The following ALG9 variants were observed in gnomAD, a reference collection of about 807,000 sequenced individuals.
ALG9 encodes alpha-1,2-mannosyltransferase ALG9.
Under a neutral mutation model 81.8 loss-of-function variants are expected in ALG9, and 55 were observed. The observed-to-expected ratio is 0.67, with a 90% CI of 0.54 to 0.84. ALG9 has a LOEUF of 0.84. ALG9 is among the 40% of genes least tolerant of loss of function. ALG9 has a pLI of 0.00. For synonymous variants in ALG9, 278 were observed against 274.3 expected, an observed-to-expected ratio of 1.01 and a Z score of -0.13; for missense variants, 629 against 745.0, an observed-to-expected ratio of 0.84 and a Z score of 1.81.
intron 14 of ALG9, among the ~76,000 whole-genome samples, chr11:111,796,185 C>CT (rs1332801403): frequency 1.3e-5 from 2 of 152,164 alleles, no homozygotes; most frequent in East Asian, 1.9e-4. Flanking sequence ...CTTATACCAT[C>CT]TTTTTTCTAT....
intron 8 of ALG9, among the ~76,000 whole-genome samples, chr11:111,852,664 G>C (rs886608645): frequency 6.6e-6 from 1 of 152,186 alleles, no homozygotes; most frequent in South Asian, 2.1e-4. Context: ...GGCCGGGCAC[G>C]GTGGCTCATG....
intron 13 of ALG9, among the ~76,000 whole-genome samples, chr11:111,834,383 A>G (rs1364841564): frequency 6.6e-6 from 1 of 152,202 alleles, no homozygotes; most frequent in Non-Finnish European, 1.5e-5. Flanking sequence ...AATAAAAAGA[A>G]GGAAGGGGAG....
At chr11:111,824,564 G>A (rs1217949996) in intron 13 of ALG9, among the ~76,000 whole-genome samples, 2 of 152,170 alleles carry the variant, frequency 1.3e-5, no homozygotes, top group Admixed American at 6.6e-5. Context: ...TTATACCAAA[G>A]CGTAAGTAAA....
At chr11:111,829,586 C>T (rs552136973) in intron 13 of ALG9, among the ~76,000 whole-genome samples, 2 of 152,260 alleles carry the variant, frequency 1.3e-5, no homozygotes, top group Admixed American at 1.3e-4. Flanking sequence ...AATACCACTC[C>T]AGATGTAAAC....
In ALG9 at chr11:111,808,738, G is replaced by A. The variant is rs115756863; in HGVS notation, c.1733+905C>T. 4.4e-3 allele frequency among the ~76,000 whole-genome samples: 667 copies of A among 152,174 alleles called. 9 individuals are homozygous for A. The highest frequency in any genetic ancestry group is 0.015 in the African/African-American group (636 of 41,512). On this transcript the variant is annotated intron_variant, in intron 14 of 14. Transcript: ENST00000616540. ...TTCCTTCCAGACCTCCTGGCTCCTGGGCTCTGCTCACCAGGCCTCCCTGGA... is the reference window on the plus strand; with the variant it reads ...TTCCTTCCAGACCTCCTGGCTCCTGAGCTCTGCTCACCAGGCCTCCCTGGA...
intron 14 of ALG9, among the ~76,000 whole-genome samples, chr11:111,796,406 A>G (rs781970443): frequency 3.9e-5 from 6 of 152,188 alleles, no homozygotes; most frequent in Non-Finnish European, 7.3e-5. Context: ...TGCTCTTCAA[A>G]CCTGAGAGCT....
At chr11:111,800,916 C>A (rs1218535033) in intron 14 of ALG9, among the ~76,000 whole-genome samples, 1 of 152,110 alleles carries the variant, frequency 6.6e-6, no homozygotes, top group African/African-American at 2.4e-5. Context: ...ATAAAAAAAG[C>A]AGGGTTAGAT....
At chr11:111,870,810 C>A (rs996568189) in intron 1 of ALG9, 10 of 1,007,212 alleles carry the variant, frequency 9.9e-6, no homozygotes, top group Non-Finnish European at 1.2e-5. Context: ...CCTTTTCTTT[C>A]TTTTCTTAAC....
the ALG9 span, among the ~76,000 whole-genome samples, chr11:111,770,197 A>C: frequency 2.0e-5 from 3 of 152,226 alleles, no homozygotes; most frequent in Admixed American, 6.5e-5. Context: ...TGCCTGTTAA[A>C]AATGCAGATT....
chr11:111,836,543 G>A (rs1252996725), intron 12 of ALG9: 1 of 441,286 alleles, frequency 2.3e-6, no homozygotes, highest in Non-Finnish European at 4.2e-6. Context: ...CAACCAAATG[G>A]TCATATCATC....
At chr11:111,804,197 A>T (rs1555083043) in intron 14 of ALG9, among the ~76,000 whole-genome samples, 1 of 152,032 alleles carries the variant, frequency 6.6e-6, no homozygotes, top group African/African-American at 2.4e-5. Context: ...CTAGAAGATA[A>T]TACAGGAGAA....
the ALG9 span, among the ~76,000 whole-genome samples, chr11:111,773,771 T>G: frequency 6.6e-6 from 1 of 150,582 alleles, no homozygotes; most frequent in African/African-American, 2.4e-5. Flanking sequence ...TTTTTTTTTT[T>G]TGAGACAGGG....
chr11:111,781,818 G>A (rs1945958996), downstream of ALG9, among the ~76,000 whole-genome samples: 1 of 152,046 alleles, frequency 6.6e-6, no homozygotes, highest in Non-Finnish European at 1.5e-5. Flanking sequence ...CAGCTATTTT[G>A]TATTTTTAGT....
chr11:111,851,560 C>T (rs1017822442), intron 8 of ALG9, among the ~76,000 whole-genome samples: 10 of 150,952 alleles, frequency 6.6e-5, no homozygotes, highest in Non-Finnish European at 1.3e-4. Context: ...AAGTCTCTCA[C>T]AAAAGGTTTT....
chr11:111,870,481 C>A, intron 1 of ALG9, 111 bp from the exon 2 acceptor site: 1 of 1,318,822 alleles, frequency 7.6e-7, no homozygotes. Context: ...GACATCAAAG[C>A]ACTTAAGTTA....
In ALG9 at chr11:111,785,323, G is replaced by A. The variant is rs1946350722; in HGVS notation, c.*1074C>T. The A allele has an allele frequency of 6.6e-6, 1 of 152,236 alleles. No homozygotes were observed. The allele number at this position is 152,236 out of a possible 1,614,324, so 9.4% of individuals were successfully genotyped here. A position where few individuals can be genotyped will look rare whatever the true frequency, so the allele number is the denominator to read the frequency against. On this transcript the variant is annotated 3_prime_UTR_variant, in exon 15 of 15. Coordinates refer to ENST00000616540, the MANE Select transcript of ALG9 (RefSeq NM_024740.2). ...ATGCTGTGAAAGTGCCTTGTAAACTGAAGTACTGACTGTAAAGGCTTTTAA... is the reference window on the plus strand; with the variant it reads ...ATGCTGTGAAAGTGCCTTGTAAACTAAAGTACTGACTGTAAAGGCTTTTAA...
chr11:111,791,783 AGTCT>A (rs1268288562), intron 14 of ALG9, among the ~76,000 whole-genome samples: 7 of 152,344 alleles, frequency 4.6e-5, no homozygotes, highest in Admixed American at 3.9e-4. Context: ...TCATTTTTAA[AGTCT>A]CAGCTTAAAA....
At chr11:111,800,533 C>G (rs1329955576) in intron 14 of ALG9, among the ~76,000 whole-genome samples, 1 of 151,588 alleles carries the variant, frequency 6.6e-6, no homozygotes, top group Admixed American at 6.6e-5. Flanking sequence ...ATAACAAGGG[C>G]ATACCAGATA....
Position 111,786,051 on chromosome 11 carries a change from G to C in ALG9, c.*346C>G. ...AGCTTATCACAGCCATCCAGTACCAGGATTTTCAATTCTTCCTGTAAGTTG... is the reference window on the plus strand; with the variant it reads ...AGCTTATCACAGCCATCCAGTACCACGATTTTCAATTCTTCCTGTAAGTTG... On this transcript the variant is annotated 3_prime_UTR_variant, in exon 15 of 15. Transcript: ENST00000616540. 1 of 459,512 alleles carries C rather than the reference G, an allele frequency of 2.2e-6. No individual in the cohort carries two copies. The highest frequency in any genetic ancestry group is 4.4e-6 in the Non-Finnish European group (1 of 228,982). 28.5% of individuals were successfully genotyped at this position (459,512 alleles called of 1,614,324 possible).
Sources: gnomAD v4.1 joint callset for allele counts (sites outside exome capture counted in the v4.1 genomes callset) on GRCh38, gnomAD v4.1.1 for gene constraint, MANE v1.5 for transcripts, NCBI Gene and HGNC (gene_info 2026-07-23, HGNC 2026-07-21) for gene names.